The following MAF variants were observed in gnomAD, a reference collection of about 807,000 sequenced individuals.
MAF encodes transcription factor Maf.
A neutral mutation model predicts 22.0 loss-of-function variants in MAF; 10 were observed. The ratio of observed to expected loss-of-function variants is 0.45; its 90% confidence interval spans 0.28 to 0.77. The LOEUF is 0.77. MAF is among the 30% of genes least tolerant of loss of function. The pLI is 0.12. For missense variants in MAF, 544 were observed against 548.4 expected (o/e 0.99, Z 0.08); for synonymous variants, 337 against 255.8 (o/e 1.32, Z -3.03).
chr16:79,299,605 C>G, the MAF span, among the ~76,000 whole-genome samples: 3 of 152,016 alleles, frequency 2.0e-5, no homozygotes, highest in African/African-American at 7.3e-5. Flanking sequence ...TTTTGTTGCT[C>G]TGAGCATTCC....
At chr16:79,376,147 G>A in the MAF span, among the ~76,000 whole-genome samples, 65,627 of 151,754 alleles carry the variant, frequency 0.43, 14,619 homozygotes, top group African/African-American at 0.51. Context: ...CCAGAAAAAG[G>A]TAAATGTTAC....
chr16:79,445,442 G>T, the MAF span, among the ~76,000 whole-genome samples: 1 of 152,270 alleles, frequency 6.6e-6, no homozygotes, highest in East Asian at 1.9e-4. Flanking sequence ...TACAAATGAG[G>T]AGACCAAGTC....
the MAF span, among the ~76,000 whole-genome samples, chr16:79,289,307 C>T: frequency 6.6e-6 from 1 of 151,436 alleles, no homozygotes; most frequent in Admixed American, 6.6e-5. Flanking sequence ...TCTGGGATGG[C>T]GGGAGGTAGA....
the MAF span, among the ~76,000 whole-genome samples, chr16:79,426,083 G>A: frequency 2.0e-5 from 3 of 152,136 alleles, no homozygotes; most frequent in African/African-American, 7.2e-5. Context: ...GCACATGCCT[G>A]TAGTCCCAGC....
At chr16:79,235,579 A>G in the MAF span, among the ~76,000 whole-genome samples, 2 of 151,906 alleles carry the variant, frequency 1.3e-5, no homozygotes, top group African/African-American at 4.8e-5. Flanking sequence ...TGAAAGCCGC[A>G]GAAGCAGCCA....
chr16:79,245,364 C>T, the MAF span, among the ~76,000 whole-genome samples: 1 of 151,310 alleles, frequency 6.6e-6, no homozygotes, highest in Non-Finnish European at 1.5e-5. Context: ...CTTAAATTTA[C>T]AAGAAAAAGT....
chr16:79,328,093 T>C, the MAF span, among the ~76,000 whole-genome samples: 1 of 152,212 alleles, frequency 6.6e-6, no homozygotes, highest in Admixed American at 6.5e-5. Context: ...CAAAAGTTGC[T>C]TTCATCCCTG....
At chr16:79,289,875 C>T in the MAF span, among the ~76,000 whole-genome samples, 7 of 7,520 alleles carry the variant, frequency 9.3e-4, no homozygotes, top group African/African-American at 1.8e-3. Flanking sequence ...TTTTGTGAGA[C>T]GGAGTCTTGC....
At chr16:79,211,507 C>G in the MAF span, 47 of 1,480,388 alleles carry the variant, frequency 3.2e-5, no homozygotes, top group East Asian at 9.3e-4. Flanking sequence ...TGAAACTGAA[C>G]CAGGTGGGGG....
At chr16:79,396,955 A>G in the MAF span, among the ~76,000 whole-genome samples, 5 of 152,256 alleles carry the variant, frequency 3.3e-5, no homozygotes, top group African/African-American at 2.4e-5. Flanking sequence ...ACTCCAGGCC[A>G]GCTGGCCTTG....
chr16:79,376,790 T>G, the MAF span, among the ~76,000 whole-genome samples: 7 of 152,218 alleles, frequency 4.6e-5, no homozygotes, highest in Non-Finnish European at 8.8e-5. Context: ...TTTTTGTCCT[T>G]GTGACAGTTT....
chr16:79,238,010 T>C, the MAF span, among the ~76,000 whole-genome samples: 25 of 152,202 alleles, frequency 1.6e-4, no homozygotes, highest in East Asian at 4.1e-3. Flanking sequence ...CTGGCCTGTG[T>C]CACCTTTTGA....
At chr16:79,295,063 TTC>T in the MAF span, among the ~76,000 whole-genome samples, 1 of 151,304 alleles carries the variant, frequency 6.6e-6, no homozygotes, top group East Asian at 1.9e-4. Context: ...GCAAAAGTAA[TTC>T]TCTCTAAATA....
chr16:79,246,052 T>C, the MAF span, among the ~76,000 whole-genome samples: 2 of 152,056 alleles, frequency 1.3e-5, no homozygotes, highest in African/African-American at 2.4e-5. Context: ...TACCAGGGCC[T>C]GTCAGGGGGT....
At chr16:79,370,056 C>T in the MAF span, among the ~76,000 whole-genome samples, 54 of 152,330 alleles carry the variant, frequency 3.5e-4, no homozygotes, top group Middle Eastern at 6.8e-3. Flanking sequence ...GCTTCACTCA[C>T]TCACATGACT....
the MAF span, among the ~76,000 whole-genome samples, chr16:79,230,019 G>A: frequency 0.81 from 123,733 of 152,022 alleles, 51,833 homozygotes; most frequent in African/African-American, 0.91. Context: ...AAGAATAAAA[G>A]CACTACACTG....
chr16:79,238,078 T>C, the MAF span, among the ~76,000 whole-genome samples: 1 of 152,240 alleles, frequency 6.6e-6, no homozygotes, highest in African/African-American at 2.4e-5. Flanking sequence ...CGGTTCTTTT[T>C]TTGTCAGGCT....
chr16:79,288,466 C>A, the MAF span, among the ~76,000 whole-genome samples: 20 of 152,272 alleles, frequency 1.3e-4, no homozygotes, highest in Middle Eastern at 0.01. Flanking sequence ...CAGCCCCCAG[C>A]CCTTGGGAGT....
chr16:79,600,361 G>T lies in MAF; in HGVS notation c.-459C>A, dbSNP rs989160334. On this transcript the variant is annotated 5_prime_UTR_variant, in exon 1 of 2. Transcript: ENST00000326043. The stretch of plus-strand genomic sequence containing the variant: ...CGCCGGCCCGGGCTGCAGGCAGGGC[G>T]CGCGCGGCGTCCGCTCGGGGCTGGA... The T allele has an allele frequency of 6.6e-5, 13 of 198,326 alleles. No homozygotes were observed. Among genetic ancestry groups the T allele is most frequent in the Non-Finnish European group, 1.3e-4 (11 of 87,540 alleles). The allele number at this position is 198,326 out of a possible 1,614,324, so 12.3% of individuals were successfully genotyped here.
Sources: allele counts gnomAD v4.1 joint callset (sites outside exome capture counted in the v4.1 genomes callset), GRCh38; gene constraint gnomAD v4.1.1; transcripts MANE v1.5; gene names NCBI Gene and HGNC (gene_info 2026-07-23, HGNC 2026-07-21).